EYS: variants seen among roughly 807,000 people sequenced by gnomAD.
EYS encodes the protein protein eyes shut homolog.
Under a neutral mutation model 282.1 loss-of-function variants are expected in EYS, and 250 were observed. The observed-to-expected ratio is 0.89, with a 90% CI of 0.80 to 0.98. EYS has a LOEUF of 0.98. Ranked by LOEUF, EYS falls within the 50% of genes least tolerant of loss-of-function variation. The pLI is 0.00. For missense variants in EYS, 4,016 were observed against 3,709.0 expected (o/e 1.08, Z -2.15); for synonymous variants, 1,355 against 1,282.9 (o/e 1.06, Z -1.20).
intron 14 of EYS, among the ~76,000 whole-genome samples, chr6:64,995,107 G>A (rs1254946525): frequency 1.3e-5 from 2 of 152,050 alleles, no homozygotes; most frequent in Non-Finnish European, 2.9e-5. Flanking sequence ...CATCAGCTTG[G>A]CCCCTGCAGG....
chr6:64,159,326 C>T (rs1242275302), intron 31 of EYS, among the ~76,000 whole-genome samples: 3 of 151,736 alleles, frequency 2.0e-5, no homozygotes, highest in Admixed American at 6.6e-5. Context: ...TTTGGGAGGC[C>T]GAGGCAGGTG....
chr6:63,961,887 T>C (rs1033730274), intron 35 of EYS, among the ~76,000 whole-genome samples: 13 of 152,222 alleles, frequency 8.5e-5, no homozygotes, highest in Admixed American at 8.5e-4. Flanking sequence ...TATATTCTCT[T>C]AATTTTCTTT....
chr6:64,204,481 T>A (rs1278357699), intron 31 of EYS, among the ~76,000 whole-genome samples: 1 of 152,086 alleles, frequency 6.6e-6, no homozygotes, highest in East Asian at 1.9e-4. Context: ...TGTCCATCAT[T>A]AGGAATGGGA....
intron 14 of EYS, among the ~76,000 whole-genome samples, chr6:64,964,318 A>G (rs1770025850): frequency 6.6e-6 from 1 of 152,132 alleles, no homozygotes; most frequent in South Asian, 2.1e-4. Context: ...AAGTTTTCAT[A>G]CAATATTCTT....
chr6:65,378,334 G>A (rs76415520), intron 8 of EYS, among the ~76,000 whole-genome samples: 23 of 152,262 alleles, frequency 1.5e-4, no homozygotes, highest in Middle Eastern at 3.4e-3. Context: ...ACTACAATGA[G>A]ATACCATCTC....
intron 2 of EYS, among the ~76,000 whole-genome samples, chr6:65,566,063 A>C (rs1271425590): frequency 6.6e-6 from 1 of 151,142 alleles, no homozygotes; most frequent in African/African-American, 2.4e-5. Flanking sequence ...AAACCTGTAC[A>C]TTCTGCACAT....
chr6:64,834,238 T>C (rs192997317), intron 19 of EYS, among the ~76,000 whole-genome samples: 205 of 151,910 alleles, frequency 1.3e-3, no homozygotes, highest in African/African-American at 4.7e-3. Context: ...GGAGGTATTC[T>C]TTAATTTAAA....
chr6:65,353,838 A>G (rs923872520), intron 8 of EYS, among the ~76,000 whole-genome samples: 5 of 151,962 alleles, frequency 3.3e-5, no homozygotes, highest in Non-Finnish European at 7.4e-5. Flanking sequence ...ATAATCTTTT[A>G]GCTTTGACTC....
At chr6:65,410,327 T>C (rs543813251) in intron 5 of EYS, among the ~76,000 whole-genome samples, 1 of 152,230 alleles carries the variant, frequency 6.6e-6, no homozygotes, top group African/African-American at 2.4e-5. Context: ...CATACCCATG[T>C]GGTATAATGA....
At chr6:64,078,013 T>A (rs928482653) in intron 32 of EYS, among the ~76,000 whole-genome samples, 4 of 152,018 alleles carry the variant, frequency 2.6e-5, no homozygotes, top group African/African-American at 9.7e-5. Context: ...AGGATTCAAG[T>A]TTTATCTTCC....
chr6:64,658,345 C>T (rs1393069016), intron 22 of EYS, among the ~76,000 whole-genome samples: 1 of 152,160 alleles, frequency 6.6e-6, no homozygotes, highest in Non-Finnish European at 1.5e-5. Context: ...GCCTTCTTCT[C>T]TCAGCTCATC....
chr6:64,024,457 G>A (rs996412044), intron 33 of EYS, among the ~76,000 whole-genome samples: 4 of 152,044 alleles, frequency 2.6e-5, no homozygotes, highest in Non-Finnish European at 2.9e-5. Flanking sequence ...CAGACCACTC[G>A]GCTCTACCAA....
At chr6:64,083,007 C>G (rs928461356) in intron 31 of EYS, among the ~76,000 whole-genome samples, 1 of 151,694 alleles carries the variant, frequency 6.6e-6, no homozygotes, top group Admixed American at 6.6e-5. Context: ...CTCTCAGGCT[C>G]AGGTCATCCA....
At chr6:64,189,068 C>T (rs538793172) in intron 31 of EYS, among the ~76,000 whole-genome samples, 83 of 152,274 alleles carry the variant, frequency 5.5e-4, no homozygotes, top group Non-Finnish European at 1.0e-3. Context: ...TTTACAGTTT[C>T]CCTTATCACT....
intron 8 of EYS, among the ~76,000 whole-genome samples, chr6:65,383,795 A>T (rs1221356786): frequency 6.6e-6 from 1 of 151,788 alleles, no homozygotes. Context: ...TAGTTTTTAT[A>T]ATTCCATTGT....
At chr6:65,476,982 C>T (rs1264369976) in intron 5 of EYS, among the ~76,000 whole-genome samples, 1 of 152,050 alleles carries the variant, frequency 6.6e-6, no homozygotes, top group African/African-American at 2.4e-5. Context: ...TCATGCTAAT[C>T]AAATCAACAT....
At chr6:63,860,251 G>A (rs1432101817) in intron 36 of EYS, among the ~76,000 whole-genome samples, 1 of 152,080 alleles carries the variant, frequency 6.6e-6, no homozygotes, top group Non-Finnish European at 1.5e-5. Flanking sequence ...GTTTCTGGAG[G>A]GAGCTAACAC....
At chr6:63,794,316 C>T (rs1770588047) in intron 37 of EYS, among the ~76,000 whole-genome samples, 1 of 152,208 alleles carries the variant, frequency 6.6e-6, no homozygotes, top group Non-Finnish European at 1.5e-5. Context: ...GTCTGGGAAG[C>T]AGGCATTCCT....
intron 35 of EYS, among the ~76,000 whole-genome samples, chr6:63,979,699 CTTGTT>C (rs1325760580): frequency 2.0e-5 from 3 of 151,832 alleles, no homozygotes; most frequent in African/African-American, 7.2e-5. Context: ...TTGGAAACAG[CTTGTT>C]TTAAGTCCGT....
Sources: gnomAD v4.1 joint callset for allele counts (sites outside exome capture counted in the v4.1 genomes callset) on GRCh38, gnomAD v4.1.1 for gene constraint, MANE v1.5 for transcripts, NCBI Gene and HGNC (gene_info 2026-07-23, HGNC 2026-07-21) for gene names.